The following IKZF2 variants were observed in gnomAD, a reference collection of about 807,000 sequenced individuals.
IKZF2 encodes the protein zinc finger protein Helios.
In IKZF2, 15 loss-of-function variants were observed where a neutral mutation model predicts 49.2. The ratio of observed to expected loss-of-function variants is 0.30; its 90% CI spans 0.20 to 0.47. The LOEUF (loss-of-function observed/expected upper bound fraction) is 0.47. Ranked by LOEUF, IKZF2 falls within the 20% of genes least tolerant of loss-of-function variation. The probability of loss-of-function intolerance (pLI) is 1.00; values close to 1 mark genes in which losing one functional copy is unlikely to be tolerated. For missense variants in IKZF2, 567 were observed against 664.6 expected (o/e 0.85, Z 1.61); for synonymous variants, 227 against 221.4 (o/e 1.03, Z -0.23).
chr2:213,014,132 T>C (rs1045164410), intron 7 of IKZF2, 198 bp from the exon 8 acceptor site: 7 of 435,224 alleles, frequency 1.6e-5, no homozygotes, highest in African/African-American at 1.4e-4. Context: ...TTTGTTTTTA[T>C]TTGAGTCTCT....
intron 3 of IKZF2, among the ~76,000 whole-genome samples, chr2:213,148,160 G>A (rs2061146081): frequency 6.6e-6 from 1 of 152,108 alleles, no homozygotes; most frequent in Non-Finnish European, 1.5e-5. Flanking sequence ...CAAAATGCTG[G>A]CTATCAGAGA....
chr2:213,036,859 T>C (rs1351496672), intron 6 of IKZF2, among the ~76,000 whole-genome samples: 1 of 152,198 alleles, frequency 6.6e-6, no homozygotes, highest in Non-Finnish European at 1.5e-5. Flanking sequence ...ACAGGTTTCT[T>C]TGACTCACAT....
At chr2:213,113,470 A>G (rs2059777621) in intron 4 of IKZF2, among the ~76,000 whole-genome samples, 4 of 152,182 alleles carry the variant, frequency 2.6e-5, no homozygotes. Context: ...TTTCTTACAC[A>G]TAATTTTACT....
At chr2:213,127,583 T>A (rs549056911) in intron 4 of IKZF2, among the ~76,000 whole-genome samples, 4 of 152,318 alleles carry the variant, frequency 2.6e-5, no homozygotes, top group African/African-American at 9.6e-5. Context: ...GCTGTAGTAG[T>A]ATAGATAACA....
At chr2:213,137,792 T>C (rs1466905036) in intron 4 of IKZF2, among the ~76,000 whole-genome samples, 1 of 152,084 alleles carries the variant, frequency 6.6e-6, no homozygotes, top group Non-Finnish European at 1.5e-5. Context: ...TTTATATACT[T>C]GTAGAAGAAA....
intron 4 of IKZF2, among the ~76,000 whole-genome samples, chr2:213,133,213 T>TA (rs2060530615): frequency 6.6e-6 from 1 of 152,194 alleles, no homozygotes; most frequent in African/African-American, 2.4e-5. Flanking sequence ...CTGGCTAACT[T>TA]ACCATGAGCC....
chr2:213,061,194 T>C (rs1701644695), intron 4 of IKZF2, among the ~76,000 whole-genome samples: 1 of 151,468 alleles, frequency 6.6e-6, no homozygotes, highest in Non-Finnish European at 1.5e-5. Context: ...GTTCCTTCAG[T>C]AACCATTCTA....
chr2:213,104,250 CT>C (rs2125719851), intron 4 of IKZF2, among the ~76,000 whole-genome samples: 2 of 147,682 alleles, frequency 1.4e-5, no homozygotes, highest in East Asian at 3.9e-4. Flanking sequence ...TCTACCACTG[CT>C]TCTAACGGAC....
chr2:213,136,370 C>CAAAAAAAAAAAAAAAA (rs11325415), intron 4 of IKZF2, among the ~76,000 whole-genome samples: 3 of 53,648 alleles, frequency 5.6e-5, no homozygotes, highest in Admixed American at 2.8e-4. Context: ...GACACTGTCT[C>CAAAAAAAAAAAAAAAA]AAAAAAAAAA....
chr2:213,077,627 G>A (rs12999410), intron 4 of IKZF2, among the ~76,000 whole-genome samples: 47,489 of 123,338 alleles, frequency 0.39, 10,385 homozygotes, highest in East Asian at 0.73. Context: ...TTGCTCTCTC[G>A]CCCAGGCTGG....
intron 4 of IKZF2, among the ~76,000 whole-genome samples, chr2:213,094,956 T>C (rs1489135773): frequency 6.6e-6 from 1 of 152,132 alleles, no homozygotes; most frequent in Non-Finnish European, 1.5e-5. Flanking sequence ...ACATAAGGTA[T>C]TTTGGAAACA....
chr2:213,072,393 T>C (rs1444054971), intron 4 of IKZF2, among the ~76,000 whole-genome samples: 2 of 151,946 alleles, frequency 1.3e-5, no homozygotes, highest in African/African-American at 4.8e-5. Context: ...AGCAAATATA[T>C]TGAGTAAAAC....
At chr2:213,151,937 G>C (rs1411014037), upstream of IKZF2, among the ~76,000 whole-genome samples, 1 of 151,480 alleles carries the variant, frequency 6.6e-6, no homozygotes, top group Non-Finnish European at 1.5e-5. Context: ...TCGATTACAG[G>C]ACAAGTGCTG....
chr2:213,071,823 G>A (rs1215466715), intron 4 of IKZF2, among the ~76,000 whole-genome samples: 1 of 151,868 alleles, frequency 6.6e-6, no homozygotes, highest in Non-Finnish European at 1.5e-5. Context: ...CTGTTTCCAC[G>A]ACAAATATAA....
chr2:213,056,287 G>T (rs1365091886), intron 5 of IKZF2, among the ~76,000 whole-genome samples: 1 of 152,028 alleles, frequency 6.6e-6, no homozygotes, highest in Non-Finnish European at 1.5e-5. Context: ...ATCCTTGCAG[G>T]AGTTATAACC....
chr2:213,066,232 G>T (rs566015500), intron 4 of IKZF2, among the ~76,000 whole-genome samples: 1 of 152,154 alleles, frequency 6.6e-6, no homozygotes, highest in South Asian at 2.1e-4. Flanking sequence ...GGTCACTAAG[G>T]ACGCTTAAAC....
chr2:213,013,941 A>G lies in IKZF2; in HGVS notation c.713-7T>C, dbSNP rs1399109174. The G allele has an allele frequency of 6.2e-7, 1 of 1,608,440 alleles. No individual in the cohort carries two copies. The highest frequency in any genetic ancestry group is 8.5e-7 in the Non-Finnish European group (1 of 1,176,476). On this transcript the variant is annotated splice_polypyrimidine_tract_variant and splice_region_variant and intron_variant, in intron 7 of 8. Transcript: ENST00000434687. ...CAATCTTCCATAGGAGGTACTATAC[A>G]AAACCATAGAAAAATGCAATCTGAT...
At chr2:213,041,015 G>C (rs1369454711) in intron 6 of IKZF2, among the ~76,000 whole-genome samples, 1 of 152,072 alleles carries the variant, frequency 6.6e-6, no homozygotes, top group Non-Finnish European at 1.5e-5. Context: ...CTACTTGGGA[G>C]GCTGAGGCGG....
At chr2:213,135,799 A>T (rs1236076616) in intron 4 of IKZF2, among the ~76,000 whole-genome samples, 1 of 152,004 alleles carries the variant, frequency 6.6e-6, no homozygotes, top group Non-Finnish European at 1.5e-5. Context: ...TGAAAAGAAA[A>T]GAAAAGAATA....
Sources: gnomAD v4.1 joint callset for allele counts (sites outside exome capture counted in the v4.1 genomes callset) on GRCh38, gnomAD v4.1.1 for gene constraint, MANE v1.5 for transcripts, NCBI Gene and HGNC (gene_info 2026-07-23, HGNC 2026-07-21) for gene names.